The following SLC25A13 variants were observed in gnomAD, a reference collection of about 807,000 sequenced individuals.
The protein encoded by SLC25A13 is solute carrier family 25 member 13.
In SLC25A13, 70 loss-of-function variants were observed where a neutral mutation model predicts 85.5. The ratio of observed to expected loss-of-function variants is 0.82; its 90% CI spans 0.68 to 1.00. The LOEUF (loss-of-function observed/expected upper bound fraction) is 1.00, where lower values mean the gene tolerates loss of function less well. Among genes scored for constraint, SLC25A13 ranks in the 50% least tolerant of loss-of-function variants. The probability of loss-of-function intolerance (pLI) is 0.00; values close to 1 mark genes in which losing one functional copy is unlikely to be tolerated. For synonymous variants in SLC25A13, 259 were observed against 288.7 expected (o/e 0.90, Z 1.04); for missense variants, 765 against 819.8 (o/e 0.93, Z 0.82).
At chr7:96,301,097 T>C (rs1799532867) in intron 1 of SLC25A13, among the ~76,000 whole-genome samples, 1 of 152,198 alleles carries the variant, frequency 6.6e-6, no homozygotes, top group African/African-American at 2.4e-5. Flanking sequence ...TTCTATGAGC[T>C]GGAAAAAGGA....
intron 5 of SLC25A13, among the ~76,000 whole-genome samples, chr7:96,206,702 G>T (rs1795474964): frequency 6.6e-6 from 1 of 152,144 alleles, no homozygotes. Context: ...ACTGTGGGAT[G>T]TTTCCATTTA....
intron 5 of SLC25A13, among the ~76,000 whole-genome samples, chr7:96,198,224 T>C (rs565437646): frequency 6.6e-6 from 1 of 152,298 alleles, no homozygotes; most frequent in South Asian, 2.1e-4. Flanking sequence ...GATTTTCTTC[T>C]ACAGAATAGG....
intron 15 of SLC25A13, among the ~76,000 whole-genome samples, chr7:96,123,434 CTG>C (rs1791597281): frequency 6.6e-6 from 1 of 152,158 alleles, no homozygotes; most frequent in Non-Finnish European, 1.5e-5. Flanking sequence ...CAGACTGTGA[CTG>C]TGAAAGACAT....
intron 14 of SLC25A13, among the ~76,000 whole-genome samples, chr7:96,134,383 C>G (rs1179490429): frequency 6.6e-6 from 1 of 151,804 alleles, no homozygotes; most frequent in Non-Finnish European, 1.5e-5. Flanking sequence ...GGGAATGTAA[C>G]AAAACGTAGG....
chr7:96,286,174 C>T (rs376943503), intron 2 of SLC25A13, among the ~76,000 whole-genome samples: 3 of 151,050 alleles, frequency 2.0e-5, no homozygotes, highest in Non-Finnish European at 4.4e-5. Flanking sequence ...GTCCCAGCTA[C>T]TTGGGAGGCT....
chr7:96,125,629 T>C (rs1370091179), intron 15 of SLC25A13, among the ~76,000 whole-genome samples: 2 of 152,210 alleles, frequency 1.3e-5, no homozygotes, highest in East Asian at 1.9e-4. Flanking sequence ...CTTTTCCTTA[T>C]TACTTTTCCC....
chr7:96,168,129 A>AAAAAAAAAAAAAAAAAG (rs1562810139), intron 13 of SLC25A13, among the ~76,000 whole-genome samples: 1 of 143,570 alleles, frequency 7.0e-6, no homozygotes, highest in Non-Finnish European at 1.5e-5. Context: ...AAAAAAAAAA[A>AAAAAAAAAAAAAAAAAG]GCACGTGTGC....
At chr7:96,258,429 C>T (rs1797722729) in intron 3 of SLC25A13, among the ~76,000 whole-genome samples, 1 of 152,100 alleles carries the variant, frequency 6.6e-6, no homozygotes, top group African/African-American at 2.4e-5. Flanking sequence ...CAATAAAAGA[C>T]AGAGAGCCAG....
At chr7:96,275,262 T>C (rs1222569520) in intron 3 of SLC25A13, among the ~76,000 whole-genome samples, 1 of 152,136 alleles carries the variant, frequency 6.6e-6, no homozygotes, top group African/African-American at 2.4e-5. Flanking sequence ...TGTGGAGAAA[T>C]AGGAACACTT....
chr7:96,147,577 A>T (rs1792858667), intron 13 of SLC25A13, among the ~76,000 whole-genome samples: 1 of 152,208 alleles, frequency 6.6e-6, no homozygotes, highest in African/African-American at 2.4e-5. Flanking sequence ...TCAACTTGTT[A>T]TTCCTTGTCA....
intron 11 of SLC25A13, among the ~76,000 whole-genome samples, chr7:96,178,312 G>A (rs1794301619): frequency 6.6e-6 from 1 of 152,118 alleles, no homozygotes; most frequent in Non-Finnish European, 1.5e-5. Flanking sequence ...AGAGGTGGAG[G>A]GGCTACTACC....
At chr7:96,208,301 T>C (rs910592942) in intron 5 of SLC25A13, among the ~76,000 whole-genome samples, 1 of 152,164 alleles carries the variant, frequency 6.6e-6, no homozygotes, top group Non-Finnish European at 1.5e-5. Context: ...GAGTTCTACA[T>C]AAATCTGTGG....
intron 4 of SLC25A13, 116 bp from the exon 5 acceptor site, chr7:96,209,093 T>C (rs2116718404): frequency 1.9e-6 from 2 of 1,026,556 alleles, no homozygotes; most frequent in East Asian, 5.3e-5. Context: ...CAATTTTAAA[T>C]AGACATACAG....
intron 13 of SLC25A13, among the ~76,000 whole-genome samples, chr7:96,152,475 G>A (rs1000014049): frequency 9.2e-5 from 14 of 152,166 alleles, no homozygotes; most frequent in Admixed American, 2.0e-4. Flanking sequence ...GGTAATGGAT[G>A]CAACAGAGAC....
At chr7:96,212,489 G>A (rs935952572) in intron 4 of SLC25A13, among the ~76,000 whole-genome samples, 2 of 152,222 alleles carry the variant, frequency 1.3e-5, no homozygotes, top group African/African-American at 4.8e-5. Context: ...TTTAAGGAGA[G>A]AAGTAAGAGA....
intron 5 of SLC25A13, among the ~76,000 whole-genome samples, chr7:96,207,138 G>A (rs1795493088): frequency 6.6e-6 from 1 of 152,106 alleles, no homozygotes; most frequent in East Asian, 1.9e-4. Context: ...CTGAAAACAG[G>A]GATTCACAGA....
chr7:96,191,126 T>A lies in SLC25A13; in HGVS notation c.737A>T (p.Asp246Val), dbSNP rs1794830253. Reference sequence around the variant, plus strand: ...TCACTCACCCTTAGTCACTTCAACATCTTTCCTGGTGCCAGCCAGAGTGCT... The same window carrying A: ...TCACTCACCCTTAGTCACTTCAACAACTTTCCTGGTGCCAGCCAGAGTGCT... ...IYSTLAGTRKDVEVTKEEFVL... is the reference protein window; with the variant it reads ...IYSTLAGTRKVVEVTKEEFVL... The change falls in exon 7 of 18, where the codon GAT becomes GTT. Residue 246 changes from aspartate to valine, a missense_variant. Transcript: ENST00000265631. 1.9e-6 allele frequency: 3 copies of A among 1,613,988 alleles called. No homozygotes were observed. The Admixed American group carries it at 5.0e-5, about 27-fold the overall frequency.
chr7:96,172,920 G>A (rs1439729082), intron 11 of SLC25A13, among the ~76,000 whole-genome samples: 2 of 152,018 alleles, frequency 1.3e-5, no homozygotes, highest in African/African-American at 2.4e-5. Flanking sequence ...CACCACGCCC[G>A]GCTAATTTTT....
In SLC25A13 at chr7:96,186,360, C is replaced by T. The variant is rs193028297; in HGVS notation, c.934-1349G>A. Among the ~76,000 whole-genome samples the T allele has an allele frequency of 1.1e-3, 161 of 151,654 alleles. 1 individual carries two copies. Among genetic ancestry groups the T allele is most frequent in the African/African-American group, 3.6e-3 (150 of 41,366 alleles). On this transcript the variant is annotated intron_variant, in intron 9 of 17. Coordinates refer to ENST00000265631, the MANE Select transcript of SLC25A13 (RefSeq NM_014251.3). ...AGGAGAATCACTTGAACCTGGGAGG[C>T]GGAGGCTGCAGTGAGCCAAGATCGC... is the stretch of plus-strand genomic sequence containing the variant.
Sources: gnomAD v4.1 joint callset for allele counts (sites outside exome capture counted in the v4.1 genomes callset) on GRCh38, gnomAD v4.1.1 for gene constraint, MANE v1.5 for transcripts, NCBI Gene and HGNC (gene_info 2026-07-23, HGNC 2026-07-21) for gene names.